The following FAM135A variants were observed in gnomAD, a reference collection of about 807,000 sequenced individuals.
The protein encoded by FAM135A is protein FAM135A.
FAM135A carries 79 observed loss-of-function variants against 146.8 expected under a neutral mutation model. The observed-to-expected ratio is 0.54, with a 90% CI of 0.45 to 0.65. FAM135A has a LOEUF of 0.65. Ranked by LOEUF, FAM135A falls within the 30% of genes least tolerant of loss-of-function variation. FAM135A has a pLI of 0.00. For missense variants in FAM135A, 1,623 were observed against 1,758.2 expected (o/e 0.92, Z 1.38); for synonymous variants, 562 against 603.6 (o/e 0.93, Z 1.01).
chr6:70,419,666 T>G (rs1046024781), intron 2 of FAM135A, among the ~76,000 whole-genome samples: 4 of 152,216 alleles, frequency 2.6e-5, no homozygotes, highest in African/African-American at 7.2e-5. Flanking sequence ...AATGTCAGTC[T>G]CAGTTCCCAC....
intron 11 of FAM135A, among the ~76,000 whole-genome samples, 158 bp downstream of exon 11, chr6:70,491,241 A>G (rs1785905090): frequency 6.6e-6 from 1 of 152,002 alleles, no homozygotes; most frequent in Non-Finnish European, 1.5e-5. Flanking sequence ...GGTGGTCAAA[A>G]TTCATTTGGC....
intron 16 of FAM135A, among the ~76,000 whole-genome samples, chr6:70,530,174 G>A (rs1440529923): frequency 1.3e-5 from 2 of 152,116 alleles, no homozygotes; most frequent in Non-Finnish European, 2.9e-5. Flanking sequence ...TTCCCAGAAT[G>A]GAAGGATAAG....
chr6:70,454,322 G>T (rs901464723), intron 5 of FAM135A, among the ~76,000 whole-genome samples: 1 of 152,084 alleles, frequency 6.6e-6, no homozygotes, highest in Non-Finnish European at 1.5e-5. Context: ...TTGTCAGATG[G>T]GTAGATTGCA....
chr6:70,416,454 A>AGGGGGT (rs889856317), intron 2 of FAM135A, among the ~76,000 whole-genome samples: 8 of 152,144 alleles, frequency 5.3e-5, no homozygotes, highest in Non-Finnish European at 1.2e-4. Flanking sequence ...AGGGCTGTTT[A>AGGGGGT]GGGGGTAGAA....
chr6:70,531,801 G>T (rs755236664), intron 16 of FAM135A, among the ~76,000 whole-genome samples: 2 of 151,156 alleles, frequency 1.3e-5, no homozygotes, highest in African/African-American at 2.4e-5. Context: ...CCATTCTTCC[G>T]CTGAAGCTTC....
intron 12 of FAM135A, among the ~76,000 whole-genome samples, chr6:70,521,025 ATAAT>A (rs760094699): frequency 1.2e-4 from 18 of 152,338 alleles, no homozygotes; most frequent in Non-Finnish European, 1.6e-4. Context: ...TCTTGGCCAA[ATAAT>A]TAACCTCTTT....
intron 15 of FAM135A, 98 bp from the exon 16 acceptor site, chr6:70,528,194 A>C: frequency 8.5e-7 from 1 of 1,183,098 alleles, no homozygotes; most frequent in Non-Finnish European, 1.1e-6. Context: ...AAAACCAAAT[A>C]TTGTTGGGTT....
At chr6:70,438,442 C>T (rs770264418) in intron 4 of FAM135A, among the ~76,000 whole-genome samples, 17 of 152,180 alleles carry the variant, frequency 1.1e-4, no homozygotes, top group African/African-American at 3.4e-4. Context: ...AGGATGAAAT[C>T]GTGCACGTCC....
At chr6:70,506,738 C>CTTT (rs1336904814) in intron 12 of FAM135A, among the ~76,000 whole-genome samples, 2 of 133,078 alleles carry the variant, frequency 1.5e-5, no homozygotes, top group Non-Finnish European at 3.3e-5. Context: ...TTTGTTTTTT[C>CTTT]TTTTTTTTTT....
chr6:70,424,620 G>C (rs1769613572), intron 2 of FAM135A, among the ~76,000 whole-genome samples: 2 of 152,140 alleles, frequency 1.3e-5, no homozygotes, highest in South Asian at 4.1e-4. Flanking sequence ...GAATTCCTTT[G>C]ACCAAGGCAC....
At chr6:70,440,985 C>G (rs1414865790) in intron 4 of FAM135A, among the ~76,000 whole-genome samples, 2 of 152,142 alleles carry the variant, frequency 1.3e-5, no homozygotes, top group Non-Finnish European at 2.9e-5. Context: ...TTATTTCTCC[C>G]TAGTTACTTG....
At chr6:70,416,250 T>C (rs867597528) in intron 2 of FAM135A, among the ~76,000 whole-genome samples, 3 of 152,226 alleles carry the variant, frequency 2.0e-5, no homozygotes, top group South Asian at 4.1e-4. Context: ...TTAATGTTCA[T>C]ACACAGTGAA....
At chr6:70,465,341 AC>A (rs1780239567) in intron 5 of FAM135A, among the ~76,000 whole-genome samples, 16 of 152,132 alleles carry the variant, frequency 1.1e-4, no homozygotes, top group Admixed American at 1.0e-3. Flanking sequence ...GAGTGTGCAA[AC>A]ATCTCTTTGA....
At chr6:70,433,566 G>A (rs1772249284) in intron 4 of FAM135A, among the ~76,000 whole-genome samples, 1 of 150,276 alleles carries the variant, frequency 6.7e-6, no homozygotes, top group Non-Finnish European at 1.5e-5. Context: ...GAGTCTTTAG[G>A]TTGGAGCTTG....
In FAM135A at chr6:70,491,027, CT is replaced by C; in HGVS notation, c.824-5del. ...GGAATATTTCCTCTACTCTTTACTC[CT>C]TCCAGAGGAAATGGATGTAGAAGCT... On this transcript the variant is annotated splice_region_variant and splice_polypyrimidine_tract_variant and intron_variant, in intron 10 of 21. Coordinates refer to ENST00000418814, the MANE Select transcript of FAM135A (RefSeq NM_001162529.3). The C allele has an allele frequency of 6.3e-7, 1 of 1,583,072 alleles. No homozygotes were observed. The highest frequency in any genetic ancestry group is 8.6e-7 in the Non-Finnish European group (1 of 1,166,054).
chr6:70,556,147 G>T (rs1582938165), intron 20 of FAM135A, among the ~76,000 whole-genome samples: 1 of 152,114 alleles, frequency 6.6e-6, no homozygotes, highest in East Asian at 1.9e-4. Context: ...TACTCAGGAG[G>T]CTGAGGCACG....
intron 20 of FAM135A, among the ~76,000 whole-genome samples, chr6:70,539,993 C>CT (rs1797565556): frequency 6.6e-6 from 1 of 151,926 alleles, no homozygotes; most frequent in Non-Finnish European, 1.5e-5. Flanking sequence ...GAGACTCCGT[C>CT]TCAAAAAAAA....
chr6:70,475,348 T>C, intron 5 of FAM135A, 62 bp from the exon 6 acceptor site: 7 of 1,310,416 alleles, frequency 5.3e-6, no homozygotes, highest in South Asian at 2.9e-5. Context: ...AAAGTACAAG[T>C]GTTAATTTGC....
intron 5 of FAM135A, among the ~76,000 whole-genome samples, chr6:70,467,017 T>C (rs1780603326): frequency 6.6e-6 from 1 of 152,212 alleles, no homozygotes; most frequent in African/African-American, 2.4e-5. Context: ...GAATCTCTTA[T>C]TTCCTAACAT....
Sources: gnomAD v4.1 joint callset for allele counts (sites outside exome capture counted in the v4.1 genomes callset) on GRCh38, gnomAD v4.1.1 for gene constraint, MANE v1.5 for transcripts, NCBI Gene and HGNC (gene_info 2026-07-23, HGNC 2026-07-21) for gene names.